PLPP6: variants seen among roughly 807,000 people sequenced by gnomAD.
PLPP6 encodes phospholipid phosphatase 6.
Under a neutral mutation model 16.5 loss-of-function variants are expected in PLPP6, and 16 were observed. That is an observed-to-expected ratio of 0.97 (90% CI 0.66 to 1.47). The LOEUF (loss-of-function observed/expected upper bound fraction) is 1.47, where lower values mean the gene tolerates loss of function less well. Ranked by LOEUF, PLPP6 falls within the 40% of genes most tolerant of loss-of-function variation. The probability of loss-of-function intolerance (pLI) is 0.00; values close to 1 mark genes in which losing one functional copy is unlikely to be tolerated. For synonymous variants in PLPP6, 226 were observed against 188.1 expected (o/e 1.20, Z -1.65); for missense variants, 512 against 396.6 (o/e 1.29, Z -2.47).
rs1364817543 is a variant in PLPP6, at chr9:4,664,906, C to CT, written c.*1644dup. On this transcript the variant is annotated 3_prime_UTR_variant, in exon 1 of 1. Transcript: ENST00000381883. ...CTCTTCACTTGCTAAAGCAGCTAAA[C>CT]TGTGAAGCTCTAAGTGGTTTGGGTT... The CT allele has an allele frequency of 1.2e-5, 2 of 167,126 alleles. No homozygotes were observed. Among genetic ancestry groups the CT allele is most frequent in the Non-Finnish European group, 2.9e-5 (2 of 68,136 alleles). 10.4% of individuals were successfully genotyped at this position (167,126 alleles called of 1,614,324 possible). A position where few individuals can be genotyped will look rare whatever the true frequency, so the allele number is the denominator to read the frequency against.
rs1324350782 is a variant in PLPP6, at chr9:4,663,488, T to C, written c.*225T>C. ...CAAAAAAACCCAAAAAATCCTCTAT[T>C]GTATATTTATTCAACAACTGTTTAT... On this transcript the variant is annotated 3_prime_UTR_variant, in exon 1 of 1. Transcript: ENST00000381883. 1 of 521,310 alleles carries C rather than the reference T, an allele frequency of 1.9e-6. No homozygotes were observed. The highest frequency in any genetic ancestry group is 1.9e-5 in the African/African-American group (1 of 52,380). The allele number at this position is 521,310 out of a possible 1,614,324, so 32.3% of individuals were successfully genotyped here.
rs780020557 is a variant in PLPP6 at position 4,663,293 on chromosome 9, G to T, written c.*30G>T. On this transcript the variant is annotated 3_prime_UTR_variant, in exon 1 of 1. Transcript: ENST00000381883. Reference sequence around the variant, plus strand: ...ATCTCATTGATTATGGCACCAGGAAGTCTGAAGGTTTCCACATTCGATGAT... The same window carrying T: ...ATCTCATTGATTATGGCACCAGGAATTCTGAAGGTTTCCACATTCGATGAT... 6 of 1,594,094 alleles carry T rather than the reference G, an allele frequency of 3.8e-6. No homozygotes were observed. The South Asian group carries it at 4.5e-5, about 12-fold the overall frequency.
chr9:4,662,404 G>T lies in PLPP6; in HGVS notation c.29G>T (p.Gly10Val). 6.5e-7 allele frequency: 1 copy of T among 1,535,524 alleles called. No individual in the cohort carries two copies. The highest frequency in any genetic ancestry group is 8.7e-7 in the Non-Finnish European group (1 of 1,148,840). Residue 10 changes from glycine (G) to valine (V), a missense_variant, in exon 1 of 1, where the codon GGA becomes GTA. Transcript: ENST00000381883. This position sits in a 1 kb window ranked among gnomAD's most constrained non-coding sequence, Gnocchi z 4.9. MPSPRRSME[G>V]RPLGVSASSS... ...CCAAGTCCCCGGAGGAGCATGGAGG[G>T]ACGGCCGCTGGGCGTCTCCGCTTCG...
rs1321905653 is a variant in PLPP6 at position 4,663,114 on chromosome 9, G to A, written c.739G>A (p.Gly247Ser). 1 of 1,613,930 alleles carries A rather than the reference G, an allele frequency of 6.2e-7. No homozygotes were observed. Among genetic ancestry groups the A allele is most frequent in the African/African-American group, 1.3e-5 (1 of 74,868 alleles). Residue 247 changes from glycine (G) to serine (S), a missense_variant, in exon 1 of 1, where the codon GGC (glycine) becomes AGC (serine). Coordinates refer to ENST00000381883, the MANE Select transcript of PLPP6 (RefSeq NM_203453.5). ...GGTGGTTCTGTGGGCCTTCGTCTTG[G>A]GCCTATCCAGGGTCATGCTGGGGCG... ...VLVVLWAFVLGLSRVMLGRHN... is the reference protein window; with the variant it reads ...VLVVLWAFVLSLSRVMLGRHN...
In PLPP6 at chr9:4,663,042, A is replaced by G; in HGVS notation, c.667A>G (p.Arg223Gly). The G allele has an allele frequency of 6.2e-7, 1 of 1,613,610 alleles. No homozygotes were observed. The highest frequency in any genetic ancestry group is 8.5e-7 in the Non-Finnish European group (1 of 1,179,888). Residue 223 changes from arginine to glycine, a missense_variant, in exon 1 of 1, where the codon AGG becomes GGG. Arg to Gly is a moderately radical substitution (Grantham distance 125). Coordinates refer to ENST00000381883, the MANE Select transcript of PLPP6 (RefSeq NM_203453.5). ...TGCCACAAGGGCCGCCCTGATGTCG[A>G]GGTTCATCCTGAACCACCTGGTGCT... ...GHATRAALMSRFILNHLVLAI... is the reference protein window; with the variant it reads ...GHATRAALMSGFILNHLVLAI...
In PLPP6 at chr9:4,662,963, G is replaced by T; in HGVS notation, c.588G>T (p.Gln196His). The change falls in exon 1 of 1, where the codon CAG (glutamine) becomes CAT (histidine). Residue 196 changes from glutamine to histidine, a missense_variant. Transcript: ENST00000381883. The surrounding 1 kb of genome is among the most constrained non-coding windows in gnomAD (Gnocchi z 4.9). ...GCAGGCGCCGCCCGGCCCACAACCA[G>T]ATGGACATGTTTGTCACTCTCTCGG... ...LVRRRRPAHN[Q>H]MDMFVTLSVD... 6.2e-7 allele frequency: 1 copy of T among 1,612,734 alleles called. No homozygotes were observed.
In PLPP6 at chr9:4,664,855, C is replaced by G. The variant is rs1283153895; in HGVS notation, c.*1592C>G. 6.0e-6 allele frequency: 1 copy of G among 167,102 alleles called. No individual in the cohort carries two copies. The highest frequency in any genetic ancestry group is 1.5e-5 in the Non-Finnish European group (1 of 68,134). 10.4% of individuals were successfully genotyped at this position (167,102 alleles called of 1,614,324 possible). A position where few individuals can be genotyped will look rare whatever the true frequency, so the allele number is the denominator to read the frequency against. Reference sequence around the variant, plus strand: ...GCCTCAAAATCAAATCATTTGCATTCCCACAGCATCCTGAATACCGACTAC... The same window carrying G: ...GCCTCAAAATCAAATCATTTGCATTGCCACAGCATCCTGAATACCGACTAC... On this transcript the variant is annotated 3_prime_UTR_variant, in exon 1 of 1. Transcript: ENST00000381883.
rs960081320 is a variant in PLPP6, at chr9:4,664,464, T to C, written c.*1201T>C. The C allele has an allele frequency of 2.4e-5, 4 of 167,056 alleles. No individual in the cohort carries two copies. Among genetic ancestry groups the C allele is most frequent in the Non-Finnish European group, 5.9e-5 (4 of 68,110 alleles). 10.3% of individuals were successfully genotyped at this position (167,056 alleles called of 1,614,324 possible). A position where few individuals can be genotyped will look rare whatever the true frequency, so the allele number is the denominator to read the frequency against. On this transcript the variant is annotated 3_prime_UTR_variant, in exon 1 of 1. Coordinates refer to ENST00000381883, the MANE Select transcript of PLPP6 (RefSeq NM_203453.5). Reference sequence around the variant, plus strand: ...CCAGGCACAAGATAAAACTCCAAAATTTCTGTTTACATTGACCTTTACATT... The same window carrying C: ...CCAGGCACAAGATAAAACTCCAAAACTTCTGTTTACATTGACCTTTACATT...
chr9:4,662,820 G>A lies in PLPP6; in HGVS notation c.445G>A (p.Gly149Ser), dbSNP rs765625387. The A allele has an allele frequency of 1.2e-6, 2 of 1,605,084 alleles. No homozygotes were observed. The highest frequency in any genetic ancestry group is 1.7e-5 in the Admixed American group (1 of 60,018). Residue 149 changes from glycine (G) to serine (S), a missense_variant, in exon 1 of 1, where the codon GGC becomes AGC. By Grantham distance (56) the Gly-to-Ser change is moderately conservative. Coordinates refer to ENST00000381883, the MANE Select transcript of PLPP6 (RefSeq NM_203453.5). The surrounding 1 kb of genome is among the most constrained non-coding windows in gnomAD (Gnocchi z 4.9). ...GGGACACGGCATCCCCTGGCTGCTGGGCACCCTCTACTGCCTGTGCAGGAG... is the reference window on the plus strand; with the variant it reads ...GGGACACGGCATCCCCTGGCTGCTGAGCACCCTCTACTGCCTGTGCAGGAG... ...ISGHGIPWLL[G>S]TLYCLCRSDS...
At position 4,662,592 on chromosome 9, in the gene PLPP6, C is replaced by A. The variant is rs1212308227; in HGVS notation, c.217C>A (p.Leu73Met). Residue 73 changes from leucine to methionine, a missense_variant, in exon 1 of 1, where the codon CTG (leucine) becomes ATG (methionine). Leu to Met is a conservative substitution (Grantham distance 15). Coordinates refer to ENST00000381883, the MANE Select transcript of PLPP6 (RefSeq NM_203453.5). This position sits in a 1 kb window ranked among gnomAD's most constrained non-coding sequence, Gnocchi z 4.9. Reference sequence around the variant, plus strand: ...AGTTCACCGCCGCGGCTCCTTCCCCCTGGCCGCGGCGGGCCCCTCGCAGTC... The same window carrying A: ...AGTTCACCGCCGCGGCTCCTTCCCCATGGCCGCGGCGGGCCCCTCGCAGTC... ...SPVHRRGSFP[L>M]AAAGPSQSPA... 4 of 1,592,220 alleles carry A rather than the reference C, an allele frequency of 2.5e-6. No individual in the cohort carries two copies. In the South Asian group the frequency reaches 4.4e-5, roughly 18 times the overall value.
In PLPP6 at chr9:4,665,121, C is replaced by G. The variant is rs538673546; in HGVS notation, c.*1858C>G. 1.8e-5 allele frequency: 3 copies of G among 167,226 alleles called. No homozygotes were observed. The East Asian group carries it at 5.8e-4, about 32-fold the overall frequency. The allele number at this position is 167,226 out of a possible 1,614,324, so 10.4% of individuals were successfully genotyped here. On this transcript the variant is annotated 3_prime_UTR_variant, in exon 1 of 1. Transcript: ENST00000381883. ...AGTTGCTGAGGCCTGAGTTTTCTGG[C>G]TCTTAAAGCATAGATCATTTCACCT...
chr9:4,662,751 T>C lies in PLPP6; in HGVS notation c.376T>C (p.Ser126Pro). 6.2e-7 allele frequency: 1 copy of C among 1,603,848 alleles called. No individual in the cohort carries two copies. The highest frequency in any genetic ancestry group is 8.5e-7 in the Non-Finnish European group (1 of 1,179,924). The change falls in exon 1 of 1, where the codon TCG becomes CCG. Residue 126 changes from serine to proline, a missense_variant. Ser to Pro is a moderately conservative substitution (Grantham distance 74, BLOSUM62 -1). Coordinates refer to ENST00000381883, the MANE Select transcript of PLPP6 (RefSeq NM_203453.5). The surrounding 1 kb of genome is among the most constrained non-coding windows in gnomAD (Gnocchi z 4.9). ...GGGGGTGTGCGCGGGAGAGAGCTCG[T>C]CGTGGGGCAGCGTGCGACCCCTTAT... ...KLGVCAGESS[S>P]WGSVRPLMKL...
chr9:4,664,317 TA>T lies in PLPP6; in HGVS notation c.*1056del, dbSNP rs151246055. The stretch of plus-strand genomic sequence containing the variant: ...GGAACGTCTTCTCAATGCAAGAACA[TA>T]AGCTTTCTCGTATATACCTGTATGC... On this transcript the variant is annotated 3_prime_UTR_variant, in exon 1 of 1. Transcript: ENST00000381883. 485 of 166,998 alleles carry T rather than the reference TA, an allele frequency of 2.9e-3. 1 individual carries two copies. Among genetic ancestry groups the T allele is most frequent in the East Asian group, 0.021 (109 of 5,190 alleles). 10.3% of individuals were successfully genotyped at this position (166,998 alleles called of 1,614,324 possible). A position where few individuals can be genotyped will look rare whatever the true frequency, so the allele number is the denominator to read the frequency against.
rs1029324979 is a variant in PLPP6 at position 4,662,610 on chromosome 9, T to G, written c.235T>G (p.Ser79Ala). Residue 79 changes from serine to alanine, a missense_variant, in exon 1 of 1, where the codon TCG (serine) becomes GCG (alanine). Transcript: ENST00000381883. This position sits in a 1 kb window ranked among gnomAD's most constrained non-coding sequence, Gnocchi z 4.9. ...CTTCCCCCTGGCCGCGGCGGGCCCC[T>G]CGCAGTCGCCCGCGCCTCCGCTGCC... is the stretch of plus-strand genomic sequence containing the variant. ...GSFPLAAAGP[S>A]QSPAPPLPEE... The G allele has an allele frequency of 3.1e-6, 5 of 1,595,124 alleles. No homozygotes were observed. The highest frequency in any genetic ancestry group is 3.4e-6 in the Non-Finnish European group (4 of 1,178,064).
At position 4,664,270 on chromosome 9, in the gene PLPP6, C is replaced by T. The variant is rs1840511194; in HGVS notation, c.*1007C>T. ...TGAATAAAGAATAATGCTCCTCTTT[C>T]AGGGTAATAAAGTGGGGAAAAGGAA... is the stretch of plus-strand genomic sequence containing the variant. On this transcript the variant is annotated 3_prime_UTR_variant, in exon 1 of 1. Transcript: ENST00000381883. The T allele has an allele frequency of 1.2e-5, 2 of 167,080 alleles. No homozygotes were observed. Among genetic ancestry groups the T allele is most frequent in the South Asian group, 4.1e-4 (2 of 4,830 alleles). 10.3% of individuals were successfully genotyped at this position (167,080 alleles called of 1,614,324 possible). A position where few individuals can be genotyped will look rare whatever the true frequency, so the allele number is the denominator to read the frequency against.
In PLPP6 at chr9:4,663,032, C is replaced by G; in HGVS notation, c.657C>G (p.Ala219=). The change falls in exon 1 of 1, where the codon GCC becomes GCG. Residue 219 remains alanine (A), a synonymous_variant. Transcript: ENST00000381883. ...SFPSGHATRA[A]LMSRFILNHL... ...CCTCGGGCCATGCCACAAGGGCCGCCCTGATGTCGAGGTTCATCCTGAACC... is the reference window on the plus strand; with the variant it reads ...CCTCGGGCCATGCCACAAGGGCCGCGCTGATGTCGAGGTTCATCCTGAACC... 1 of 1,613,838 alleles carries G rather than the reference C, an allele frequency of 6.2e-7. No homozygotes were observed. Among genetic ancestry groups the G allele is most frequent in the Non-Finnish European group, 8.5e-7 (1 of 1,179,952 alleles).
chr9:4,662,702 C>A lies in PLPP6; in HGVS notation c.327C>A (p.Ile109=), dbSNP rs973526061. 2 of 1,601,568 alleles carry A rather than the reference C, an allele frequency of 1.2e-6. No homozygotes were observed. Among genetic ancestry groups the A allele is most frequent in the Non-Finnish European group, 1.7e-6 (2 of 1,179,880 alleles). The part of the protein sequence containing the change: ...LGIALRSLLA[I]DLWLSKKLGV... The stretch of plus-strand genomic sequence containing the variant: ...TCGCCCTGCGCTCCCTGCTGGCCAT[C>A]GACCTGTGGCTGTCCAAGAAGCTGG... Residue 109 remains isoleucine, a synonymous_variant, in exon 1 of 1, where the codon ATC becomes ATA. Coordinates refer to ENST00000381883, the MANE Select transcript of PLPP6 (RefSeq NM_203453.5). The surrounding 1 kb of genome is among the most constrained non-coding windows in gnomAD (Gnocchi z 4.9).
In PLPP6 at chr9:4,664,104, G is replaced by A. The variant is rs1376754477; in HGVS notation, c.*841G>A. The A allele has an allele frequency of 2.4e-5, 4 of 167,076 alleles. No homozygotes were observed. Among genetic ancestry groups the A allele is most frequent in the Non-Finnish European group, 5.9e-5 (4 of 68,126 alleles). 10.3% of individuals were successfully genotyped at this position (167,076 alleles called of 1,614,324 possible). A position where few individuals can be genotyped will look rare whatever the true frequency, so the allele number is the denominator to read the frequency against. ...CCCCATGCTTATTTTTGTTTACAAC[G>A]TAACATGGCATGAGAGAGGGCAGAG... On this transcript the variant is annotated 3_prime_UTR_variant, in exon 1 of 1. Coordinates refer to ENST00000381883, the MANE Select transcript of PLPP6 (RefSeq NM_203453.5).
At position 4,663,399 on chromosome 9, in the gene PLPP6, CT is replaced by C; in HGVS notation, c.*138del. ...TTTGGGATTTCAGGTGTCCCATGATCTTGATGTGCTGCTAGGCTGGAGCACA... is the reference window on the plus strand; with the variant it reads ...TTTGGGATTTCAGGTGTCCCATGATCTGATGTGCTGCTAGGCTGGAGCACA... On this transcript the variant is annotated 3_prime_UTR_variant, in exon 1 of 1. Transcript: ENST00000381883. 1.1e-6 allele frequency: 1 copy of C among 921,962 alleles called. No individual in the cohort carries two copies. The highest frequency in any genetic ancestry group is 1.7e-6 in the Non-Finnish European group (1 of 592,490). The allele number at this position is 921,962 out of a possible 1,614,324, so 57.1% of individuals were successfully genotyped here.
Sources: allele counts gnomAD v4.1 joint callset, GRCh38; gene constraint gnomAD v4.1.1; non-coding constraint Gnocchi (gnomAD v3.1); transcripts MANE v1.5; gene names NCBI Gene and HGNC (gene_info 2026-07-23, HGNC 2026-07-21).